TOM1L2: variants seen among roughly 807,000 people sequenced by gnomAD.
The protein encoded by TOM1L2 is target of myb1 like 2 membrane trafficking protein.
TOM1L2 carries 31 observed loss-of-function variants against 67.9 expected under a neutral mutation model. The ratio of observed to expected loss-of-function variants is 0.46; its 90% CI spans 0.34 to 0.62. TOM1L2 has a LOEUF of 0.62. Ranked by LOEUF, TOM1L2 falls within the 20% of genes least tolerant of loss-of-function variation. TOM1L2 has a pLI of 0.01. For missense variants in TOM1L2, 606 were observed against 663.5 expected, an observed-to-expected ratio of 0.91 and a Z score of 0.95; for synonymous variants, 256 against 254.0, an observed-to-expected ratio of 1.01 and a Z score of -0.07.
chr17:17,908,833 T>C (rs764523616), intron 1 of TOM1L2, among the ~76,000 whole-genome samples: 1 of 152,168 alleles, frequency 6.6e-6, no homozygotes, highest in Admixed American at 6.5e-5. Flanking sequence ...CTTTACACTT[T>C]TGATGGAAAT....
chr17:17,936,783 A>G (rs2040531100), intron 1 of TOM1L2, among the ~76,000 whole-genome samples: 1 of 152,240 alleles, frequency 6.6e-6, no homozygotes, highest in Non-Finnish European at 1.5e-5. Flanking sequence ...AAATGTTTTA[A>G]TAATACAGGA....
chr17:17,905,954 G>A (rs1277381686), intron 2 of TOM1L2, among the ~76,000 whole-genome samples: 1 of 151,944 alleles, frequency 6.6e-6, no homozygotes, highest in Non-Finnish European at 1.5e-5. Context: ...TAGCCACCTT[G>A]CTATTCCTCA....
intron 1 of TOM1L2, among the ~76,000 whole-genome samples, chr17:17,938,739 C>T (rs2040606386): frequency 6.6e-6 from 1 of 151,410 alleles, no homozygotes; most frequent in Non-Finnish European, 1.5e-5. Flanking sequence ...TTTATTTAAT[C>T]CTCACCATGA....
chr17:17,938,499 G>A (rs1454480630), intron 1 of TOM1L2, among the ~76,000 whole-genome samples: 3 of 152,144 alleles, frequency 2.0e-5, no homozygotes, highest in Non-Finnish European at 4.4e-5. Flanking sequence ...GAGGCACTGG[G>A]GAGGAATACA....
intron 1 of TOM1L2, among the ~76,000 whole-genome samples, chr17:17,913,652 T>C (rs1249461099): frequency 1.3e-5 from 2 of 152,210 alleles, no homozygotes; most frequent in Non-Finnish European, 2.9e-5. Context: ...GGGTTGGTTC[T>C]TTATAATCAA....
chr17:17,950,105 C>T (rs2041132225), intron 1 of TOM1L2, among the ~76,000 whole-genome samples: 2 of 152,082 alleles, frequency 1.3e-5, no homozygotes, highest in African/African-American at 4.8e-5. Flanking sequence ...TCGTGATCTG[C>T]CCGCCTCGGC....
chr17:17,907,234 T>G (rs989619974), intron 2 of TOM1L2, among the ~76,000 whole-genome samples: 30 of 152,356 alleles, frequency 2.0e-4, no homozygotes, highest in African/African-American at 7.2e-4. Context: ...AAGGAGGTCA[T>G]CCCTGTTCTA....
At chr17:17,876,678 G>A (rs1442279601) in intron 7 of TOM1L2, among the ~76,000 whole-genome samples, 2 of 152,216 alleles carry the variant, frequency 1.3e-5, no homozygotes, top group Non-Finnish European at 2.9e-5. Context: ...AGTCTAGAGA[G>A]GAGAAGGGGG....
intron 1 of TOM1L2, among the ~76,000 whole-genome samples, chr17:17,959,925 C>T (rs1459532148): frequency 2.6e-5 from 4 of 152,194 alleles, no homozygotes; most frequent in Non-Finnish European, 5.9e-5. Context: ...GTTTAAATTC[C>T]GTCTTTTCCT....
intron 7 of TOM1L2, among the ~76,000 whole-genome samples, chr17:17,875,929 G>A (rs966828375): frequency 3.3e-5 from 5 of 152,202 alleles, no homozygotes; most frequent in Non-Finnish European, 5.9e-5. Flanking sequence ...GGCCTTGGCC[G>A]TTCTGTCTTT....
chr17:17,871,265 G>C (rs1415459412), intron 7 of TOM1L2, among the ~76,000 whole-genome samples: 2 of 152,100 alleles, frequency 1.3e-5, no homozygotes, highest in Non-Finnish European at 2.9e-5. Flanking sequence ...CAGCTACTTG[G>C]GAGACTGAGG....
intron 1 of TOM1L2, among the ~76,000 whole-genome samples, chr17:17,914,045 T>A (rs910705499): frequency 6.6e-6 from 1 of 152,234 alleles, no homozygotes; most frequent in African/African-American, 2.4e-5. Context: ...CAGGCAAAGC[T>A]GCTTCCATCA....
intron 5 of TOM1L2, 25 bp downstream of exon 5, chr17:17,884,609 T>C (rs748054540): frequency 1.2e-5 from 19 of 1,613,578 alleles, no homozygotes; most frequent in Admixed American, 1.7e-5. Context: ...TAGGTCTTTC[T>C]AGAAAGTGCC....
chr17:17,857,833 T>C (rs1221612788), intron 12 of TOM1L2: 2 of 1,535,664 alleles, frequency 1.3e-6, no homozygotes, highest in East Asian at 4.9e-5. Flanking sequence ...TCTACCTCTC[T>C]TCTGGGCCGA....
chr17:17,966,076 G>A (rs777990022), intron 1 of TOM1L2, among the ~76,000 whole-genome samples: 6 of 152,082 alleles, frequency 3.9e-5, no homozygotes, highest in Admixed American at 6.6e-5. Context: ...AGCTGAGATC[G>A]CGCCACTGCA....
chr17:17,953,655 C>A (rs1204036199), intron 1 of TOM1L2, among the ~76,000 whole-genome samples: 1 of 152,214 alleles, frequency 6.6e-6, no homozygotes, highest in Non-Finnish European at 1.5e-5. Context: ...ACCTCACTGA[C>A]CTGCCCCCAC....
At chr17:17,887,311 T>C (rs1295761120) in intron 4 of TOM1L2, among the ~76,000 whole-genome samples, 5 of 152,256 alleles carry the variant, frequency 3.3e-5, no homozygotes, top group Admixed American at 6.5e-5. Flanking sequence ...GCAATCTCTA[T>C]TGAATAGGAT....
chr17:17,889,507 C>T (rs1283968078), intron 4 of TOM1L2, among the ~76,000 whole-genome samples: 1 of 152,272 alleles, frequency 6.6e-6, no homozygotes, highest in Non-Finnish European at 1.5e-5. Context: ...CTTCCACCAT[C>T]CTCAGGGCAA....
Position 17,847,679 on chromosome 17 carries a change from G to A in TOM1L2, c.1480C>T (p.Arg494Trp), listed in dbSNP as rs539750130. 6.8e-6 allele frequency: 11 copies of A among 1,613,892 alleles called. No homozygotes were observed. The highest frequency in any genetic ancestry group is 4.5e-5 in the East Asian group (2 of 44,874). The change falls in exon 15 of 15, where the codon CGG (arginine) becomes TGG (tryptophan). Residue 494 changes from arginine to tryptophan, a missense_variant. Coordinates refer to ENST00000379504, the MANE Select transcript of TOM1L2 (RefSeq NM_001082968.2). ...TCCTCTGACCGCTCTGGCTTCTTCC[G>A]GCCAGAAGGGTTTGAGGCTGGGGCA... Reference protein sequence around the residue: ...APAPASNPSGRKKPERSEDAL... With the variant: ...APAPASNPSGWKKPERSEDAL...
Sources: gnomAD v4.1 joint callset for allele counts (sites outside exome capture counted in the v4.1 genomes callset) on GRCh38, gnomAD v4.1.1 for gene constraint, MANE v1.5 for transcripts, NCBI Gene and HGNC (gene_info 2026-07-23, HGNC 2026-07-21) for gene names.